The following GCNT1 variants were observed in gnomAD, a reference collection of about 807,000 sequenced individuals.
The protein encoded by GCNT1 is beta-1,3-galactosyl-O-glycosyl-glycoprotein beta-1,6-N-acetylglucosaminyltransferase.
In GCNT1, 16 loss-of-function variants were observed where a neutral mutation model predicts 26.2. That is an observed-to-expected ratio of 0.61 (90% CI 0.41 to 0.93). The LOEUF is 0.93. Ranked by LOEUF, GCNT1 falls within the 40% of genes least tolerant of loss-of-function variation. The pLI is 0.00. For missense variants in GCNT1, 477 were observed against 526.7 expected, an observed-to-expected ratio of 0.91 and a Z score of 0.92; for synonymous variants, 183 against 190.8, an observed-to-expected ratio of 0.96 and a Z score of 0.34.
At chr9:76,460,772 G>A (rs1234434246) in intron 2 of GCNT1, among the ~76,000 whole-genome samples, 1 of 152,102 alleles carries the variant, frequency 6.6e-6, no homozygotes. Context: ...TTTATTGGCC[G>A]AGAGGTTGAT....
chr9:76,429,958 C>A (rs11795253), intron 1 of GCNT1, among the ~76,000 whole-genome samples: 5,531 of 152,180 alleles, frequency 0.036, 137 homozygotes, highest in Non-Finnish European at 0.057. Context: ...TTGTGATCTG[C>A]CCGCCTCGGC....
intron 2 of GCNT1, among the ~76,000 whole-genome samples, chr9:76,462,071 C>G (rs949437453): frequency 6.6e-6 from 1 of 151,798 alleles, no homozygotes; most frequent in African/African-American, 2.4e-5. Context: ...ACAGAAATTA[C>G]TACTGGAAAT....
At chr9:76,492,508 A>G (rs1437438283) in intron 2 of GCNT1, among the ~76,000 whole-genome samples, 1 of 151,478 alleles carries the variant, frequency 6.6e-6, no homozygotes, top group Non-Finnish European at 1.5e-5. Flanking sequence ...GAGGAAGTCA[A>G]TTTCCTGGCC....
chr9:76,498,740 T>G (rs972178966), intron 2 of GCNT1, among the ~76,000 whole-genome samples: 1 of 140,816 alleles, frequency 7.1e-6, no homozygotes, highest in Non-Finnish European at 1.5e-5. Flanking sequence ...AGCACTGCAC[T>G]CCAGCGTGGG....
At chr9:76,433,454 A>C (rs1258530191) in intron 1 of GCNT1, among the ~76,000 whole-genome samples, 1 of 152,124 alleles carries the variant, frequency 6.6e-6, no homozygotes, top group African/African-American at 2.4e-5. Context: ...CGTACCCCTC[A>C]TCTGTATGCT....
intron 2 of GCNT1, among the ~76,000 whole-genome samples, chr9:76,461,001 G>A (rs955375586): frequency 5.3e-5 from 8 of 152,110 alleles, no homozygotes; most frequent in African/African-American, 1.9e-4. Context: ...TTGCTTAACA[G>A]TAAGAAAAAC....
intron 2 of GCNT1, among the ~76,000 whole-genome samples, chr9:76,485,139 A>G (rs1358877960): frequency 1.3e-5 from 2 of 151,282 alleles, no homozygotes; most frequent in African/African-American, 4.9e-5. Context: ...ACTTGTACTC[A>G]ATGGCATTTT....
chr9:76,486,525 G>A (rs1406499399), intron 2 of GCNT1, among the ~76,000 whole-genome samples: 4 of 152,144 alleles, frequency 2.6e-5, no homozygotes, highest in Non-Finnish European at 5.9e-5. Context: ...TAAATTGCAC[G>A]GTCTCAGCTT....
At chr9:76,457,437 C>T (rs1361898505), upstream of GCNT1, among the ~76,000 whole-genome samples, 1 of 151,984 alleles carries the variant, frequency 6.6e-6, no homozygotes, top group Non-Finnish European at 1.5e-5. Flanking sequence ...TTAGTAGAGA[C>T]GGGGTTTTGG....
chr9:76,449,776 G>A lies in GCNT1; in HGVS notation c.-290+7461G>A, dbSNP rs569461473. The stretch of plus-strand genomic sequence containing the variant: ...ATATGCAAACAAAATAAACCTTTTC[G>A]TTTTTGTTTGTTTTGTTTTGTTTTT... On this transcript the variant is annotated intron_variant, in intron 1 of 2. Transcript: ENST00000442371. 2.0e-5 allele frequency among the ~76,000 whole-genome samples: 3 copies of A among 152,064 alleles called. No individual in the cohort carries two copies. In the South Asian group the frequency reaches 6.2e-4, roughly 32 times the overall value.
the GCNT1 span, among the ~76,000 whole-genome samples, chr9:76,402,972 C>T: frequency 6.6e-6 from 1 of 152,140 alleles, no homozygotes; most frequent in Non-Finnish European, 1.5e-5. Flanking sequence ...GCCACCGTGC[C>T]CAGCCCTGAT....
chr9:76,458,175 A>AT (rs779648273), upstream of GCNT1, among the ~76,000 whole-genome samples: 32,738 of 76,384 alleles, frequency 0.43, 8,921 homozygotes, highest in Non-Finnish European at 0.46. Context: ...TCTGAGTTGG[A>AT]TTTTTTTTTT....
rs867895083 is a variant in GCNT1, at chr9:76,467,707, C to T, written c.-290+7530C>T. Among the ~76,000 whole-genome samples, 4 of 151,944 alleles carry T rather than the reference C, an allele frequency of 2.6e-5. No individual in the cohort carries two copies. The East Asian group carries it at 7.7e-4, about 29-fold the overall frequency. ...GCTGCCTGGAGTTTACTGCATTTGTCAGTTGTGTGGAACAGAAAATAAGGC... is the reference window on the plus strand; with the variant it reads ...GCTGCCTGGAGTTTACTGCATTTGTTAGTTGTGTGGAACAGAAAATAAGGC... On this transcript the variant is annotated intron_variant, in intron 2 of 3. Coordinates refer to ENST00000376730, the MANE Select transcript of GCNT1 (RefSeq NM_001490.5).
At chr9:76,413,653 G>GTTTTTGTTTTTTTGTTTTGT in the GCNT1 span, among the ~76,000 whole-genome samples, 1 of 118,656 alleles carries the variant, frequency 8.4e-6, no homozygotes, top group African/African-American at 3.1e-5. Context: ...GTTTTGTTTT[G>GTTTTTGTTTTTTTGTTTTGT]TTTTTTTTTT....
At position 76,444,165 on chromosome 9, in the gene GCNT1, C is replaced by T. The variant is rs61328249; in HGVS notation, c.-290+1850C>T. 8.0e-3 allele frequency among the ~76,000 whole-genome samples: 1,213 copies of T among 152,082 alleles called. 17 individuals are homozygous for T. The highest frequency in any genetic ancestry group is 0.027 in the African/African-American group (1,133 of 41,488). ...TCCGGGAGAAGAAGATAAGGAGCTG[C>T]GTATTGGACATGTTTGTTTGAAATG... On this transcript the variant is annotated intron_variant, in intron 1 of 2. Transcript: ENST00000442371.
the GCNT1 span, among the ~76,000 whole-genome samples, chr9:76,407,526 T>G: frequency 2.0e-5 from 3 of 152,210 alleles, no homozygotes; most frequent in Non-Finnish European, 2.9e-5. Flanking sequence ...TCCTGTAGCT[T>G]TATAGTAAAT....
the GCNT1 span, among the ~76,000 whole-genome samples, chr9:76,395,396 A>G: frequency 2.1e-3 from 315 of 152,202 alleles, 2 homozygotes; most frequent in Middle Eastern, 0.034. Flanking sequence ...CCTTACATGT[A>G]TGCATCTCTG....
chr9:76,427,725 G>A (rs1408298748), intron 1 of GCNT1, among the ~76,000 whole-genome samples: 4 of 152,098 alleles, frequency 2.6e-5, no homozygotes, highest in Admixed American at 1.3e-4. Context: ...TTAGCTCTTG[G>A]CATGTAATCC....
chr9:76,470,581 G>C (rs976126811), intron 2 of GCNT1, among the ~76,000 whole-genome samples: 29 of 146,106 alleles, frequency 2.0e-4, no homozygotes, highest in Non-Finnish European at 4.0e-4. Flanking sequence ...TCAAGCCTGG[G>C]TGACAGAGCA....
Sources: gnomAD v4.1 joint callset for allele counts (sites outside exome capture counted in the v4.1 genomes callset) on GRCh38, gnomAD v4.1.1 for gene constraint, MANE v1.5 for transcripts, NCBI Gene and HGNC (gene_info 2026-07-23, HGNC 2026-07-21) for gene names.